The following CDKAL1 variants were observed in gnomAD, a reference collection of about 807,000 sequenced individuals.
CDKAL1 encodes CDKAL1 threonylcarbamoyladenosine tRNA methylthiotransferase, also known as threonylcarbamoyladenosine tRNA methylthiotransferase.
Under a neutral mutation model 68.2 loss-of-function variants are expected in CDKAL1, and 32 were observed. The ratio of observed to expected loss-of-function variants is 0.47; its 90% CI spans 0.35 to 0.63. The LOEUF is 0.63. Among genes scored for constraint, CDKAL1 ranks in the 30% least tolerant of loss-of-function variants. The probability of loss-of-function intolerance (pLI) is 0.00; values close to 1 mark genes in which losing one functional copy is unlikely to be tolerated. For missense variants in CDKAL1, 606 were observed against 696.7 expected, an observed-to-expected ratio of 0.87 and a Z score of 1.47; for synonymous variants, 234 against 244.3, an observed-to-expected ratio of 0.96 and a Z score of 0.39.
At position 20,665,953 on chromosome 6, in the gene CDKAL1, C is replaced by T. The variant is rs901923732; in HGVS notation, c.371+16576C>T. Among the ~76,000 whole-genome samples the T allele has an allele frequency of 3.3e-5, 5 of 152,092 alleles. No homozygotes were observed. The East Asian group carries it at 9.7e-4, about 29-fold the overall frequency. ...GGCCTGCTTAATGGCAGTTGCACCC[C>T]CCCAATTAGTATTATATCCAAAAAG... On this transcript the variant is annotated intron_variant, in intron 5 of 15. Transcript: ENST00000274695.
chr6:21,048,917 C>T (rs1770392459), intron 11 of CDKAL1, among the ~76,000 whole-genome samples: 1 of 151,774 alleles, frequency 6.6e-6, no homozygotes, highest in Non-Finnish European at 1.5e-5. Flanking sequence ...AATGTGAAAG[C>T]CCTTTCAAAT....
At chr6:20,656,482 C>CT (rs879580546) in intron 5 of CDKAL1, among the ~76,000 whole-genome samples, 182 of 142,134 alleles carry the variant, frequency 1.3e-3, no homozygotes, top group Admixed American at 1.1e-3. Flanking sequence ...TCAGAGAATG[C>CT]TTTTTTTTTT....
At chr6:20,743,842 A>G (rs144176530) in intron 6 of CDKAL1, among the ~76,000 whole-genome samples, 11 of 152,310 alleles carry the variant, frequency 7.2e-5, no homozygotes, top group Non-Finnish European at 1.6e-4. Context: ...TAATTTCTTC[A>G]CAATGGAAGC....
chr6:20,874,074 C>T (rs866526022), intron 9 of CDKAL1, among the ~76,000 whole-genome samples: 6 of 151,918 alleles, frequency 3.9e-5, no homozygotes, highest in Admixed American at 1.3e-4. Flanking sequence ...GCTTGAAGGA[C>T]GTTGGGCCTG....
intron 11 of CDKAL1, among the ~76,000 whole-genome samples, chr6:21,059,427 G>A (rs888761628): frequency 6.6e-6 from 1 of 152,204 alleles, no homozygotes; most frequent in Non-Finnish European, 1.5e-5. Context: ...CCAAGATCCT[G>A]GTGGCATGGG....
chr6:21,151,784 TCCTCTGCAGTG>T (rs1459806948), intron 13 of CDKAL1, among the ~76,000 whole-genome samples: 1 of 152,202 alleles, frequency 6.6e-6, no homozygotes, highest in Non-Finnish European at 1.5e-5. Flanking sequence ...TTTCTCTAAA[TCCTCTGCAGTG>T]CCTAGTACAG....
intron 11 of CDKAL1, among the ~76,000 whole-genome samples, chr6:21,063,075 C>T (rs989555919): frequency 1.3e-5 from 2 of 152,056 alleles, no homozygotes; most frequent in Admixed American, 6.6e-5. Context: ...CCACCACACC[C>T]AGCTAATTTT....
chr6:20,857,694 T>C (rs16884229), intron 9 of CDKAL1, among the ~76,000 whole-genome samples: 26,123 of 152,218 alleles, frequency 0.17, 2,617 homozygotes, highest in East Asian at 0.34. Flanking sequence ...TCTAGAGAAC[T>C]TTCTTAATTA....
chr6:21,156,631 A>C (rs1286656211), intron 13 of CDKAL1, among the ~76,000 whole-genome samples: 1 of 152,076 alleles, frequency 6.6e-6, no homozygotes, highest in Non-Finnish European at 1.5e-5. Flanking sequence ...TGATGGGACA[A>C]ATTTGTCTGA....
chr6:21,101,688 C>A (rs531781331), intron 12 of CDKAL1, among the ~76,000 whole-genome samples: 1 of 152,212 alleles, frequency 6.6e-6, no homozygotes, highest in South Asian at 2.1e-4. Context: ...CTCAAATTCC[C>A]TATATTCAGA....
At chr6:21,093,729 T>A (rs1346796157) in intron 12 of CDKAL1, among the ~76,000 whole-genome samples, 21 of 53,934 alleles carry the variant, frequency 3.9e-4, no homozygotes, top group Admixed American at 3.5e-3. Flanking sequence ...TTTTTTTTTT[T>A]TTTTTGGAGA....
At chr6:20,808,261 CA>C (rs1003416680) in intron 8 of CDKAL1, among the ~76,000 whole-genome samples, 1 of 151,962 alleles carries the variant, frequency 6.6e-6, no homozygotes, top group South Asian at 2.1e-4. Context: ...ATTTGTATTA[CA>C]AAAAATTGCA....
At chr6:20,774,244 C>T (rs905251423) in intron 7 of CDKAL1, among the ~76,000 whole-genome samples, 1 of 152,134 alleles carries the variant, frequency 6.6e-6, no homozygotes, top group African/African-American at 2.4e-5. Flanking sequence ...GTCCAAGTTG[C>T]CAGATCATTG....
At chr6:20,789,965 T>C (rs1775828737) in intron 8 of CDKAL1, among the ~76,000 whole-genome samples, 1 of 152,206 alleles carries the variant, frequency 6.6e-6, no homozygotes, top group Non-Finnish European at 1.5e-5. Flanking sequence ...GTTTGTTTAA[T>C]TTTTTTGTAG....
chr6:20,885,582 G>A (rs1266540702), intron 9 of CDKAL1, among the ~76,000 whole-genome samples: 1 of 152,114 alleles, frequency 6.6e-6, no homozygotes, highest in Non-Finnish European at 1.5e-5. Flanking sequence ...AAATCTTTAT[G>A]ACCTTGGATT....
chr6:20,860,033 T>C (rs551023981), intron 9 of CDKAL1, among the ~76,000 whole-genome samples: 1 of 152,306 alleles, frequency 6.6e-6, no homozygotes, highest in African/African-American at 2.4e-5. Flanking sequence ...TCTTATTCTC[T>C]ATCATATCAC....
At chr6:20,980,149 A>C (rs190552762) in intron 10 of CDKAL1, among the ~76,000 whole-genome samples, 1 of 152,186 alleles carries the variant, frequency 6.6e-6, no homozygotes, top group East Asian at 1.9e-4. Flanking sequence ...ATATGTATAA[A>C]ATAAAATACA....
chr6:21,131,257 A>T (rs944570015), intron 13 of CDKAL1, among the ~76,000 whole-genome samples: 1 of 152,176 alleles, frequency 6.6e-6, no homozygotes, highest in Non-Finnish European at 1.5e-5. Flanking sequence ...GTTGGCTCTG[A>T]TAGATTTAGT....
At chr6:21,198,858 A>G (rs997248669) in intron 14 of CDKAL1, among the ~76,000 whole-genome samples, 1 of 152,102 alleles carries the variant, frequency 6.6e-6, no homozygotes, top group African/African-American at 2.4e-5. Context: ...AGCAATTCAA[A>G]AGTGACTGAG....
Sources: allele counts gnomAD v4.1 joint callset (sites outside exome capture counted in the v4.1 genomes callset), GRCh38; gene constraint gnomAD v4.1.1; transcripts MANE v1.5; gene names NCBI Gene and HGNC (gene_info 2026-07-23, HGNC 2026-07-21).